SLC7A5: variants seen among roughly 807,000 people sequenced by gnomAD.
SLC7A5 encodes large neutral amino acids transporter small subunit 1.
In SLC7A5, 23 loss-of-function variants were observed where a neutral mutation model predicts 50.2. That is an observed-to-expected ratio of 0.46 (90% CI 0.33 to 0.65). The LOEUF is 0.65. SLC7A5 is among the 30% of genes least tolerant of loss of function. SLC7A5 has a pLI of 0.02. For synonymous variants in SLC7A5, 393 were observed against 330.6 expected (o/e 1.19, Z -2.05); for missense variants, 578 against 684.4 (o/e 0.84, Z 1.73).
In SLC7A5 at chr16:87,869,096, G is replaced by A; in HGVS notation, c.327C>T (p.Thr109=). 1 of 1,611,852 alleles carries A rather than the reference G, an allele frequency of 6.2e-7. No homozygotes were observed. Among genetic ancestry groups the A allele is most frequent in the Non-Finnish European group, 8.5e-7 (1 of 1,179,768 alleles). ...CGTAGTCGCCGCCCGATTTGGAGAT[G>A]GTGGTGCCGAGCTCCGCGTAGCAGA... is the stretch of plus-strand genomic sequence containing the variant. ...GALCYAELGT[T]ISKSGGDYAY... Residue 109 remains threonine, a synonymous_variant, in exon 1 of 10, where the codon ACC becomes ACT. Transcript: ENST00000261622.
At chr16:87,838,615 C>T (rs2055042424) in intron 6 of SLC7A5, 99 bp downstream of exon 6, 1 of 928,604 alleles carries the variant, frequency 1.1e-6, no homozygotes, top group Admixed American at 1.7e-5. Context: ...TATGCATCCC[C>T]AGTATCACAG....
At chr16:87,836,277 C>T (rs1423762540) in intron 8 of SLC7A5, among the ~76,000 whole-genome samples, 1 of 152,262 alleles carries the variant, frequency 6.6e-6, no homozygotes, top group African/African-American at 2.4e-5. Flanking sequence ...AAGCTCTGTG[C>T]CATCTGCTGT....
At chr16:87,848,517 G>A (rs1236697637) in intron 2 of SLC7A5, among the ~76,000 whole-genome samples, 2 of 152,212 alleles carry the variant, frequency 1.3e-5, no homozygotes, top group African/African-American at 4.8e-5. Context: ...GGGACTAACT[G>A]TAGAACCTCA....
chr16:87,854,401 TA>T (rs1484357681), intron 1 of SLC7A5, among the ~76,000 whole-genome samples: 2 of 152,188 alleles, frequency 1.3e-5, no homozygotes, highest in African/African-American at 2.4e-5. Flanking sequence ...TAAGATGAGA[TA>T]AAATCTTAAA....
chr16:87,863,042 C>G (rs758809441), intron 1 of SLC7A5, among the ~76,000 whole-genome samples: 5 of 152,218 alleles, frequency 3.3e-5, no homozygotes, highest in Non-Finnish European at 7.3e-5. Flanking sequence ...CTCAGCAGCC[C>G]CCCATGCTTC....
Position 87,834,602 on chromosome 16 carries a change from G to A in SLC7A5, c.1291-11C>T, listed in dbSNP as rs1298286311. Reference sequence around the variant, plus strand: ...CAGGGCCAGGTTCACCTGGGGCAGAGGACAGGGCCTGGGTGAGCCCTCTCC... The same window carrying A: ...CAGGGCCAGGTTCACCTGGGGCAGAAGACAGGGCCTGGGTGAGCCCTCTCC... On this transcript the variant is annotated splice_polypyrimidine_tract_variant and intron_variant, in intron 8 of 9. Transcript: ENST00000261622. The A allele has an allele frequency of 1.3e-6, 2 of 1,578,618 alleles. No homozygotes were observed. Among genetic ancestry groups the A allele is most frequent in the Non-Finnish European group, 1.7e-6 (2 of 1,163,640 alleles).
Position 87,852,113 on chromosome 16 carries a change from C to T in SLC7A5, c.539-264G>A, listed in dbSNP as rs902257588. On this transcript the variant is annotated intron_variant, in intron 1 of 9. Transcript: ENST00000261622. This position sits in a 1 kb window ranked among gnomAD's most constrained non-coding sequence, Gnocchi z 4.5. ...TCTGCAAGGGACCTTTCCTCACCCC[C>T]CACCACACCAGGCCATGGAGTCCCA... 3.9e-5 allele frequency among the ~76,000 whole-genome samples: 6 copies of T among 152,208 alleles called. No individual in the cohort carries two copies. The highest frequency in any genetic ancestry group is 3.3e-4 in the Admixed American group (5 of 15,292).
At chr16:87,865,350 G>C (rs769866991) in intron 1 of SLC7A5, among the ~76,000 whole-genome samples, 1 of 152,228 alleles carries the variant, frequency 6.6e-6, no homozygotes, top group African/African-American at 2.4e-5. Flanking sequence ...CTCTGGGTCA[G>C]AGAGGGTTGG....
chr16:87,860,146 A>C lies in SLC7A5; in HGVS notation c.539-8297T>G. Among the ~76,000 whole-genome samples, 1 of 151,940 alleles carries C rather than the reference A, an allele frequency of 6.6e-6. No homozygotes were observed. The highest frequency in any genetic ancestry group is 1.9e-4 in the East Asian group (1 of 5,182). ...TCAAGAGTTCGAAACCAGCCTGACCAACATGGTGAAACCCCCGTCTCTACT... is the reference window on the plus strand; with the variant it reads ...TCAAGAGTTCGAAACCAGCCTGACCCACATGGTGAAACCCCCGTCTCTACT... On this transcript the variant is annotated intron_variant, in intron 1 of 9. Transcript: ENST00000261622. The surrounding 1 kb of genome is among the most constrained non-coding windows in gnomAD (Gnocchi z 4.8).
intron 1 of SLC7A5, among the ~76,000 whole-genome samples, chr16:87,865,133 AG>A (rs2055444339): frequency 2.6e-5 from 4 of 152,076 alleles, no homozygotes. Context: ...CCTTACACAC[AG>A]GGGCAAGAAT....
At chr16:87,854,382 T>C (rs2055286948) in intron 1 of SLC7A5, among the ~76,000 whole-genome samples, 1 of 152,238 alleles carries the variant, frequency 6.6e-6, no homozygotes, top group Non-Finnish European at 1.5e-5. Context: ...TGTCCTTTTT[T>C]TTACGTTTTA....
At chr16:87,849,707 G>A (rs916942508) in intron 2 of SLC7A5, among the ~76,000 whole-genome samples, 6 of 152,094 alleles carry the variant, frequency 3.9e-5, no homozygotes, top group African/African-American at 4.8e-5. Flanking sequence ...GAATGAGCTC[G>A]TCTTGCCTTG....
chr16:87,869,350 T>C lies in SLC7A5; in HGVS notation c.73A>G (p.Lys25Glu), dbSNP rs1250375072. The change falls in exon 1 of 10, where the codon AAG becomes GAG. Residue 25 changes from lysine to glutamate, a missense_variant. Transcript: ENST00000261622. ...AAEEKEEAREKMLAAKSADGS... is the reference protein window; with the variant it reads ...AAEEKEEAREEMLAAKSADGS... ...TCCGCGCTCTTGGCGGCCAGCATCTTCTCCCGCGCCTCTTCCTTCTCCTCG... is the reference window on the plus strand; with the variant it reads ...TCCGCGCTCTTGGCGGCCAGCATCTCCTCCCGCGCCTCTTCCTTCTCCTCG... 6.2e-7 allele frequency: 1 copy of C among 1,608,886 alleles called. No homozygotes were observed. Among genetic ancestry groups the C allele is most frequent in the African/African-American group, 1.3e-5 (1 of 74,704 alleles).
chr16:87,869,278 T>G lies in SLC7A5; in HGVS notation c.145A>C (p.Asn49His). The stretch of plus-strand genomic sequence containing the variant: ...GCCACGCCGTTGAGCAGCGTGATGT[T>G]CCGCTGCAGGGTCACGCCCTCGCCC... ...GEGEGVTLQR[N>H]ITLLNGVAII... Residue 49 changes from asparagine to histidine, a missense_variant, in exon 1 of 10, where the codon AAC becomes CAC. Asn to His is a moderately conservative substitution (Grantham distance 68, BLOSUM62 1). Around this residue, in one of 2 missense-constraint regions of SLC7A5, gnomAD observed 113 missense variants for 89.8 expected, o/e 1.26. Transcript: ENST00000261622. 4.3e-6 allele frequency: 7 copies of G among 1,612,222 alleles called. No individual in the cohort carries two copies. The highest frequency in any genetic ancestry group is 5.9e-6 in the Non-Finnish European group (7 of 1,179,812).
chr16:87,867,101 G>C (rs942025431), intron 1 of SLC7A5, among the ~76,000 whole-genome samples: 1 of 152,008 alleles, frequency 6.6e-6, no homozygotes, highest in Admixed American at 6.6e-5. Flanking sequence ...TGTATTTTTA[G>C]TAGAGATGGG....
intron 7 of SLC7A5, 101 bp from the exon 8 acceptor site, chr16:87,836,748 T>C: frequency 7.8e-7 from 1 of 1,284,296 alleles, no homozygotes; most frequent in Non-Finnish European, 1.1e-6. Context: ...TGGGCCCAGC[T>C]GAGCACCAGG....
chr16:87,864,411 C>G (rs766728576), intron 1 of SLC7A5, among the ~76,000 whole-genome samples: 10 of 152,170 alleles, frequency 6.6e-5, no homozygotes, highest in Non-Finnish European at 1.3e-4. Context: ...CACCCTGGAG[C>G]GCCCATCCTG....
intron 1 of SLC7A5, among the ~76,000 whole-genome samples, chr16:87,867,237 T>G (rs956587554): frequency 3.3e-5 from 5 of 152,234 alleles, no homozygotes; most frequent in Non-Finnish European, 7.3e-5. Flanking sequence ...GGTTCATTTT[T>G]TAAAGATAAG....
chr16:87,855,326 G>T (rs1868588130), intron 1 of SLC7A5, among the ~76,000 whole-genome samples: 1 of 152,062 alleles, frequency 6.6e-6, no homozygotes, highest in Non-Finnish European at 1.5e-5. Flanking sequence ...ACTGACCTCA[G>T]AGACCATGCA....
Sources: gnomAD v4.1 joint callset for allele counts (sites outside exome capture counted in the v4.1 genomes callset) on GRCh38, gnomAD v4.1.1 for gene constraint, gnomAD v4.1.1 regional missense constraint, Gnocchi (gnomAD v3.1) non-coding constraint, MANE v1.5 for transcripts, NCBI Gene and HGNC (gene_info 2026-07-23, HGNC 2026-07-21) for gene names.